The following PIEZO2 variants were observed in gnomAD, a reference collection of about 807,000 sequenced individuals.
PIEZO2 encodes piezo type mechanosensitive ion channel component 2.
In PIEZO2, 172 loss-of-function variants were observed where a neutral mutation model predicts 337.3. The observed-to-expected ratio is 0.51, with a 90% CI of 0.45 to 0.58. The LOEUF (loss-of-function observed/expected upper bound fraction) is 0.58, where lower values mean the gene tolerates loss of function less well. Among genes scored for constraint, PIEZO2 ranks in the 20% least tolerant of loss-of-function variants. The pLI is 0.00. For synonymous variants in PIEZO2, 1,251 were observed against 1,228.5 expected, an observed-to-expected ratio of 1.02 and a Z score of -0.38; for missense variants, 3,028 against 3,391.3, an observed-to-expected ratio of 0.89 and a Z score of 2.66.
chr18:11,023,018 C>T (rs2036371204), intron 2 of PIEZO2, among the ~76,000 whole-genome samples: 1 of 151,852 alleles, frequency 6.6e-6, no homozygotes, highest in Non-Finnish European at 1.5e-5. Context: ...TCATTCCTCC[C>T]AGTGGGTTCG....
At chr18:10,770,820 G>C (rs1018929216) in intron 20 of PIEZO2, among the ~76,000 whole-genome samples, 5 of 135,760 alleles carry the variant, frequency 3.7e-5, no homozygotes, top group African/African-American at 1.4e-4. Context: ...TCGGCTCACT[G>C]CAACCTCTGC....
At chr18:10,770,390 G>C in intron 20 of PIEZO2, 82 bp from the exon 21 acceptor site, 1 of 1,334,926 alleles carries the variant, frequency 7.5e-7, no homozygotes, top group South Asian at 1.6e-5. Flanking sequence ...CTTTCAGGTT[G>C]GAATGAGAGG....
At chr18:10,987,364 C>T (rs968079616) in intron 2 of PIEZO2, among the ~76,000 whole-genome samples, 3 of 151,990 alleles carry the variant, frequency 2.0e-5, no homozygotes, top group African/African-American at 7.2e-5. Context: ...AACAGACACA[C>T]AGAAAAATGG....
intron 20 of PIEZO2, among the ~76,000 whole-genome samples, chr18:10,772,271 A>G (rs2038630570): frequency 6.6e-6 from 1 of 152,208 alleles, no homozygotes; most frequent in African/African-American, 2.4e-5. Context: ...CTCAGATGGT[A>G]GTCAATAAAA....
chr18:10,769,331 T>C (rs952306139), intron 21 of PIEZO2, among the ~76,000 whole-genome samples: 2 of 152,252 alleles, frequency 1.3e-5, no homozygotes, highest in South Asian at 2.1e-4. Flanking sequence ...GCCCATTTCA[T>C]ATGGTTTGTA....
rs1371662350 is a variant in PIEZO2 at position 11,060,523 on chromosome 18, G to A, written c.160+5604C>T. On this transcript the variant is annotated intron_variant, in intron 2 of 55. Transcript: ENST00000674853. ...ATAGACTGCTAGCAAGACTAATAAA[G>A]AAGAAAAGAGAGAAGAATCAAATAG... 7.9e-5 allele frequency among the ~76,000 whole-genome samples: 12 copies of A among 152,186 alleles called. No homozygotes were observed. The East Asian group carries it at 2.3e-3, about 29-fold the overall frequency.
At chr18:10,776,997 A>C (rs545644491) in intron 18 of PIEZO2, among the ~76,000 whole-genome samples, 119 of 152,300 alleles carry the variant, frequency 7.8e-4, no homozygotes, top group African/African-American at 2.8e-3. Flanking sequence ...ACTGAATATC[A>C]GGTGCAAATT....
Position 10,855,313 on chromosome 18 carries a change from G to T in PIEZO2, c.917+40C>A, listed in dbSNP as rs1432709762. 6.7e-7 allele frequency: 1 copy of T among 1,483,100 alleles called. No individual in the cohort carries two copies. The highest frequency in any genetic ancestry group is 2.0e-5 in the Admixed American group (1 of 50,814). The allele number at this position is 1,483,100 out of a possible 1,614,324, so 91.9% of individuals were successfully genotyped here. A position where few individuals can be genotyped will look rare whatever the true frequency, so the allele number is the denominator to read the frequency against. On this transcript the variant is annotated intron_variant, in intron 7 of 55. Coordinates refer to ENST00000674853, the MANE Select transcript of PIEZO2 (RefSeq NM_001378183.1). This position sits in a 1 kb window ranked among gnomAD's most constrained non-coding sequence, Gnocchi z 4.9. ...AAACCAAGGTCCCAAAGGCGTGGGGGGACAACCTCTCCTGGAAATGCCATA... is the reference window on the plus strand; with the variant it reads ...AAACCAAGGTCCCAAAGGCGTGGGGTGACAACCTCTCCTGGAAATGCCATA...
intron 2 of PIEZO2, among the ~76,000 whole-genome samples, chr18:11,039,781 T>A (rs28627766): frequency 0.22 from 31,181 of 143,554 alleles, 3,703 homozygotes; most frequent in African/African-American, 0.33. Flanking sequence ...CACACAAAAT[T>A]TCTTCCCCTT....
rs770245814 is a variant in PIEZO2, at chr18:10,787,142, T to A, written c.2212A>T (p.Met738Leu). The A allele has an allele frequency of 6.5e-7, 1 of 1,533,250 alleles. No individual in the cohort carries two copies. The highest frequency in any genetic ancestry group is 8.7e-7 in the Non-Finnish European group (1 of 1,145,712). The allele number at this position is 1,533,250 out of a possible 1,614,324, so 95.0% of individuals were successfully genotyped here. A position where few individuals can be genotyped will look rare whatever the true frequency, so the allele number is the denominator to read the frequency against. Residue 738 changes from methionine to leucine, a missense_variant, in exon 16 of 56, where the codon ATG (methionine) becomes TTG (leucine). Around this residue, in one of 5 missense-constraint regions of PIEZO2, gnomAD observed 1,925 missense variants for 2,051.9 expected, o/e 0.94. Coordinates refer to ENST00000674853, the MANE Select transcript of PIEZO2 (RefSeq NM_001378183.1). ...AGCATAGTGTAAATAACCACTGACATCCAAAAATATTTTAGAATTTTCCTC... is the reference window on the plus strand; with the variant it reads ...AGCATAGTGTAAATAACCACTGACAACCAAAAATATTTTAGAATTTTCCTC... ...WWRKILKYFW[M>L]SVVIYTMLVL...
At chr18:10,739,895 CT>C (rs2037151675) in intron 33 of PIEZO2, 1 of 152,256 alleles carries the variant, frequency 6.6e-6, no homozygotes, top group African/African-American at 2.4e-5. Context: ...AAAATTATGT[CT>C]TGGGAGAGAG....
In PIEZO2 at chr18:10,813,035, G is replaced by A. The variant is rs2040246184; in HGVS notation, c.918-5761C>T. ...GTCTCACTCTGTCACCCGGGCTGGA[G>A]TGCATTGGGCCTCTGCTCACTGCAA... On this transcript the variant is annotated intron_variant, in intron 7 of 55. Transcript: ENST00000674853. This position sits in a 1 kb window ranked among gnomAD's most constrained non-coding sequence, Gnocchi z 4.2. 6.6e-6 allele frequency among the ~76,000 whole-genome samples: 1 copy of A among 150,998 alleles called. No homozygotes were observed. The highest frequency in any genetic ancestry group is 2.4e-5 in the African/African-American group (1 of 41,008).
chr18:10,684,100 C>CTCTTTCTT (rs1567944771), intron 49 of PIEZO2, among the ~76,000 whole-genome samples: 13 of 42,440 alleles, frequency 3.1e-4, no homozygotes, highest in African/African-American at 7.1e-4. Flanking sequence ...TTCCTTCTTT[C>CTCTTTCTT]TCTCTCTCTT....
intron 1 of PIEZO2, among the ~76,000 whole-genome samples, chr18:11,085,261 T>C (rs372026360): frequency 7.9e-5 from 12 of 152,070 alleles, no homozygotes; most frequent in East Asian, 7.7e-4. Context: ...TCACAGTGGC[T>C]CTCCCCAACC....
At chr18:10,745,849 C>T (rs974498096) in intron 30 of PIEZO2, among the ~76,000 whole-genome samples, 1 of 152,160 alleles carries the variant, frequency 6.6e-6, no homozygotes, top group African/African-American at 2.4e-5. Context: ...TCCCAACTGG[C>T]TGAGTTTCAT....
Position 11,128,092 on chromosome 18 carries a change from C to A in PIEZO2, c.64+20433G>T, listed in dbSNP as rs1410477332. On this transcript the variant is annotated intron_variant, in intron 1 of 55. Transcript: ENST00000674853. The surrounding 1 kb of genome is among the most constrained non-coding windows in gnomAD (Gnocchi z 4.1). ...CTCCTGATTCACCACTCATGACAGG[C>A]AAGGAGTTTAGTGACTCTATACCTA... Among the ~76,000 whole-genome samples, 2 of 152,056 alleles carry A rather than the reference C, an allele frequency of 1.3e-5. No individual in the cohort carries two copies. The highest frequency in any genetic ancestry group is 3.8e-4 in the East Asian group (2 of 5,200).
At chr18:10,976,998 AAT>A (rs200890015) in intron 3 of PIEZO2, among the ~76,000 whole-genome samples, 42 of 57,212 alleles carry the variant, frequency 7.3e-4, no homozygotes, top group African/African-American at 1.8e-3. Context: ...AGCAAGAACA[AAT>A]ATGTGTGTGT....
intron 3 of PIEZO2, among the ~76,000 whole-genome samples, chr18:10,923,230 T>G (rs115230878): frequency 2.6e-3 from 396 of 152,322 alleles, no homozygotes; most frequent in African/African-American, 9.3e-3. Flanking sequence ...TTCTCTGGTT[T>G]ATATGAAATT....
rs982784209 is a variant in PIEZO2, at chr18:10,895,225, C to T, written c.329+15961G>A. On this transcript the variant is annotated intron_variant, in intron 4 of 55. Coordinates refer to ENST00000674853, the MANE Select transcript of PIEZO2 (RefSeq NM_001378183.1). This position sits in a 1 kb window ranked among gnomAD's most constrained non-coding sequence, Gnocchi z 4.8. ...TTTTGGGAGGCCAAGGTGGGTGGAT[C>T]ACTTGAGGTCAGGAGATCGAGACCA... Among the ~76,000 whole-genome samples, 76 of 152,120 alleles carry T rather than the reference C, an allele frequency of 5.0e-4. No individual in the cohort carries two copies. Among genetic ancestry groups the T allele is most frequent in the Admixed American group, 3.0e-3 (46 of 15,278 alleles).
Sources: allele counts gnomAD v4.1 joint callset (sites outside exome capture counted in the v4.1 genomes callset), GRCh38; gene constraint gnomAD v4.1.1; regional missense constraint gnomAD v4.1.1; non-coding constraint Gnocchi (gnomAD v3.1); transcripts MANE v1.5; gene names NCBI Gene and HGNC (gene_info 2026-07-23, HGNC 2026-07-21).